CACNA1A: variants seen among roughly 807,000 people sequenced by gnomAD.
CACNA1A encodes voltage-dependent P/Q-type calcium channel subunit alpha-1A.
A neutral mutation model predicts 262.4 loss-of-function variants in CACNA1A; 57 were observed. The observed-to-expected ratio is 0.22, with a 90% CI of 0.18 to 0.27. The LOEUF (loss-of-function observed/expected upper bound fraction) is 0.27, where lower values mean the gene tolerates loss of function less well. Ranked by LOEUF, CACNA1A falls within the 10% of genes least tolerant of loss-of-function variation. The probability of loss-of-function intolerance (pLI) is 1.00; values close to 1 mark genes in which losing one functional copy is unlikely to be tolerated. For missense variants in CACNA1A, 2,526 were observed against 3,562.8 expected, an observed-to-expected ratio of 0.71 and a Z score of 7.41; for synonymous variants, 1,431 against 1,419.3, an observed-to-expected ratio of 1.01 and a Z score of -0.18.
Position 13,298,545 on chromosome 19 carries a change from T to C in CACNA1A, c.3088A>G (p.Lys1030Glu). 6 of 1,541,444 alleles carry C rather than the reference T, an allele frequency of 3.9e-6. No individual in the cohort carries two copies. The highest frequency in any genetic ancestry group is 5.3e-6 in the Non-Finnish European group (6 of 1,141,904). ...GGATTCGAGGTCACCTCCACTTACTTCCTCCTCCGATGCCTCCGCTCCTTG... is the reference window on the plus strand; with the variant it reads ...GGATTCGAGGTCACCTCCACTTACTCCCTCCTCCGATGCCTCCGCTCCTTG... ...EDKERRHRRR[K>E]ENQGSGVPVS... Residue 1030 changes from lysine to glutamate, a missense_variant and splice_region_variant, in exon 19 of 47, where the codon AAA becomes GAA. Physicochemically the swap from Lys to Glu is moderately conservative, Grantham distance 56 (BLOSUM62 1). This residue lies in a region of CACNA1A where 765 missense variants were observed against 748.6 expected (regional missense o/e 1.02). Transcript: ENST00000360228.
chr19:13,358,643 T>C (rs942401114), intron 6 of CACNA1A, among the ~76,000 whole-genome samples: 3 of 152,134 alleles, frequency 2.0e-5, no homozygotes, highest in East Asian at 1.9e-4. Flanking sequence ...GGGTTGCATA[T>C]TGTGGGAAGA....
chr19:13,273,710 A>G (rs2057079113), intron 24 of CACNA1A: 1 of 152,076 alleles, frequency 6.6e-6, no homozygotes, highest in Non-Finnish European at 1.5e-5. Context: ...ATAAAGCATA[A>G]TATTCTAAAT....
chr19:13,257,287 G>A, intron 28 of CACNA1A, 63 bp downstream of exon 28: 1 of 1,362,202 alleles, frequency 7.3e-7, no homozygotes, highest in Non-Finnish European at 1.0e-6. Flanking sequence ...TGGGTGTTGT[G>A]TGTGTTTTAA....
At chr19:13,459,451 G>A (rs1444658648) in intron 1 of CACNA1A, among the ~76,000 whole-genome samples, 1 of 152,144 alleles carries the variant, frequency 6.6e-6, no homozygotes, top group Non-Finnish European at 1.5e-5. Flanking sequence ...AGCAAAATCC[G>A]AGACTCAGGG....
chr19:13,315,633 T>C (rs558190366), intron 11 of CACNA1A: 102 of 152,282 alleles, frequency 6.7e-4, no homozygotes, highest in Non-Finnish European at 1.2e-3. Context: ...TTACTAAGTT[T>C]GAAACTAGGT....
intron 3 of CACNA1A, among the ~76,000 whole-genome samples, chr19:13,449,550 A>G (rs1156275950): frequency 6.6e-6 from 1 of 152,156 alleles, no homozygotes; most frequent in Non-Finnish European, 1.5e-5. Context: ...GCCTAAAGTA[A>G]TCCTTCCATC....
At chr19:13,423,520 T>A (rs994150475) in intron 3 of CACNA1A, among the ~76,000 whole-genome samples, 2 of 152,086 alleles carry the variant, frequency 1.3e-5, no homozygotes, top group African/African-American at 4.8e-5. Context: ...CTTTTCTTTT[T>A]TTCTTTTTTG....
In CACNA1A at chr19:13,493,007, C is replaced by T. The variant is rs149577723; in HGVS notation, c.293+12925G>A. 8.2e-3 allele frequency among the ~76,000 whole-genome samples: 1,254 copies of T among 152,222 alleles called. 7 individuals carry two copies. Among genetic ancestry groups the T allele is most frequent in the Non-Finnish European group, 0.012 (802 of 68,024 alleles). ...CCAGGAGACCAAAGAAAGTAAGGCA[C>T]GATTTTCAAACAGGGCAACAGAAGG... On this transcript the variant is annotated intron_variant, in intron 1 of 46. Transcript: ENST00000360228.
intron 6 of CACNA1A, among the ~76,000 whole-genome samples, chr19:13,359,056 T>C (rs1444456213): frequency 6.6e-6 from 1 of 152,120 alleles, no homozygotes; most frequent in Non-Finnish European, 1.5e-5. Flanking sequence ...TACGAACAGA[T>C]CCATATGAGA....
chr19:13,241,551 G>T lies in CACNA1A; in HGVS notation c.4950+3631C>A. ...TCTAGATGCAGATGTTGAAGATGAG[G>T]GGGAGCGGGCGGGCGGGGGCAGTTG... On this transcript the variant is annotated intron_variant, in intron 31 of 46. Transcript: ENST00000360228. This position sits in a 1 kb window ranked among gnomAD's most constrained non-coding sequence, Gnocchi z 4.0. 7.1e-7 allele frequency: 1 copy of T among 1,400,922 alleles called. No individual in the cohort carries two copies. Among genetic ancestry groups the T allele is most frequent in the Non-Finnish European group, 9.8e-7 (1 of 1,018,298 alleles). The allele number at this position is 1,400,922 out of a possible 1,614,324, so 86.8% of individuals were successfully genotyped here. A position where few individuals can be genotyped will look rare whatever the true frequency, so the allele number is the denominator to read the frequency against.
At position 13,335,624 on chromosome 19, in the gene CACNA1A, C is replaced by T. The variant is rs74183012; in HGVS notation, c.1082+182G>A. On this transcript the variant is annotated intron_variant, in intron 7 of 46. Coordinates refer to ENST00000360228, the MANE Select transcript of CACNA1A (RefSeq NM_001127222.2). ...CCATATGAACCCTCTCACTGGGTACCCCTAGCAGTACACAACCTCTGCACC... is the reference window on the plus strand; with the variant it reads ...CCATATGAACCCTCTCACTGGGTACTCCTAGCAGTACACAACCTCTGCACC... Among the ~76,000 whole-genome samples the T allele has an allele frequency of 0.073, 11,117 of 152,098 alleles. 522 individuals are homozygous for T. Among genetic ancestry groups the T allele is most frequent in the Middle Eastern group, 0.14 (40 of 294 alleles).
intron 1 of CACNA1A, among the ~76,000 whole-genome samples, chr19:13,500,536 A>G (rs1321223712): frequency 6.6e-6 from 1 of 152,200 alleles, no homozygotes; most frequent in Non-Finnish European, 1.5e-5. Context: ...TCGAGGCCAG[A>G]CGTGCTTTGG....
chr19:13,392,022 C>T (rs1203464438), intron 3 of CACNA1A, among the ~76,000 whole-genome samples: 11 of 141,766 alleles, frequency 7.8e-5, no homozygotes, highest in Non-Finnish European at 1.5e-4. Flanking sequence ...CAGGGTGAGA[C>T]CATGTCTCAA....
In CACNA1A at chr19:13,212,657, G is replaced by T; in HGVS notation, c.6024C>A (p.Ser2008=). Reference sequence around the variant, plus strand: ...GGGCTCCTCCTGGGTCCAGCTGGGTGGAGGGGAGGGCGTTCTGGCCAGGTC... The same window carrying T: ...GGGCTCCTCCTGGGTCCAGCTGGGTTGAGGGGAGGGCGTTCTGGCCAGGTC... ...EGGPGQNALP[S]TQLDPGGALM... The change falls in exon 41 of 47, where the codon TCC becomes TCA. Residue 2008 remains serine, a synonymous_variant. Transcript: ENST00000360228. This position sits in a 1 kb window ranked among gnomAD's most constrained non-coding sequence, Gnocchi z 5.6. The T allele has an allele frequency of 6.6e-7, 1 of 1,516,350 alleles. No individual in the cohort carries two copies. The highest frequency in any genetic ancestry group is 8.8e-7 in the Non-Finnish European group (1 of 1,130,936). The allele number at this position is 1,516,350 out of a possible 1,614,324, so 93.9% of individuals were successfully genotyped here. A position where few individuals can be genotyped will look rare whatever the true frequency, so the allele number is the denominator to read the frequency against.
chr19:13,453,534 C>T (rs1173267822), intron 2 of CACNA1A, among the ~76,000 whole-genome samples: 1 of 152,148 alleles, frequency 6.6e-6, no homozygotes, highest in Non-Finnish European at 1.5e-5. Context: ...GTGCATTGAC[C>T]TCACTCCTAA....
At chr19:13,419,491 A>G (rs77521810) in intron 3 of CACNA1A, among the ~76,000 whole-genome samples, 9,319 of 151,638 alleles carry the variant, frequency 0.061, 383 homozygotes, top group Non-Finnish European at 0.096. Flanking sequence ...GCCTTTGGTA[A>G]CATAGGGAGA....
At chr19:13,379,447 A>G (rs1275335720) in intron 3 of CACNA1A, among the ~76,000 whole-genome samples, 1 of 152,174 alleles carries the variant, frequency 6.6e-6, no homozygotes, top group Admixed American at 6.5e-5. Flanking sequence ...CCAAACCAGC[A>G]GTGTCTCTGA....
At position 13,207,997 on chromosome 19, in the gene CACNA1A, C is replaced by T. The variant is rs147221323; in HGVS notation, c.6837G>A (p.Pro2279=). ...GGGGGAGCTGGCGGCGGCCCCGCCG[C>T]GGAGTGCTGGTACCAGATGTTGAGG... The part of the protein sequence containing the change: ...PAPSTSGTST[P]RRGRRQLPQT... Residue 2279 remains proline (P), a synonymous_variant, in exon 47 of 47, where the codon CCG becomes CCA. Transcript: ENST00000360228. The surrounding 1 kb of genome is among the most constrained non-coding windows in gnomAD (Gnocchi z 5.7). 61,047 of 1,327,418 alleles carry T rather than the reference C, an allele frequency of 0.046. 1,692 individuals are homozygous for T. The highest frequency in any genetic ancestry group is 0.053 in the Non-Finnish European group (55,103 of 1,042,460). The allele number at this position is 1,327,418 out of a possible 1,614,324, so 82.2% of individuals were successfully genotyped here.
intron 3 of CACNA1A, among the ~76,000 whole-genome samples, chr19:13,414,218 C>G (rs1312947541): frequency 6.6e-6 from 1 of 151,950 alleles, no homozygotes; most frequent in Non-Finnish European, 1.5e-5. Context: ...CATAGGGAGA[C>G]TCCTTCTCTA....
Sources: allele counts gnomAD v4.1 joint callset (sites outside exome capture counted in the v4.1 genomes callset), GRCh38; gene constraint gnomAD v4.1.1; regional missense constraint gnomAD v4.1.1; non-coding constraint Gnocchi (gnomAD v3.1); transcripts MANE v1.5; gene names NCBI Gene and HGNC (gene_info 2026-07-23, HGNC 2026-07-21).